Variants in NCAPD3 observed in about 807,000 individuals in gnomAD.
The protein encoded by NCAPD3 is condensin-2 complex subunit D3.
NCAPD3 carries 105 observed loss-of-function variants against 182.9 expected under a neutral mutation model. The ratio of observed to expected loss-of-function variants is 0.57; its 90% confidence interval spans 0.49 to 0.68. The LOEUF (loss-of-function observed/expected upper bound fraction) is 0.68, where lower values mean the gene tolerates loss of function less well. NCAPD3 is among the 30% of genes least tolerant of loss of function. NCAPD3 has a pLI of 0.00. For missense variants in NCAPD3, 1,944 were observed against 1,837.0 expected, an observed-to-expected ratio of 1.06 and a Z score of -1.07; for synonymous variants, 815 against 679.9, an observed-to-expected ratio of 1.20 and a Z score of -3.09.
At chr11:134,214,864 A>C (rs776524156) in intron 3 of NCAPD3, among the ~76,000 whole-genome samples, 9 of 152,218 alleles carry the variant, frequency 5.9e-5, no homozygotes, top group Non-Finnish European at 1.2e-4. Context: ...TATGTAACTT[A>C]TTCTATGAAA....
At position 134,170,077 on chromosome 11, in the gene NCAPD3, G is replaced by A. The variant is rs1392831167; in HGVS notation, c.3102-1023C>T. ...CTTATGCCAAAATTCAAATCAGTTT[G>A]TGTTCACAGCACACATATCAATTAA... On this transcript the variant is annotated intron_variant, in intron 24 of 34. Transcript: ENST00000534548. 2.0e-5 allele frequency among the ~76,000 whole-genome samples: 3 copies of A among 152,270 alleles called. No homozygotes were observed. In the East Asian group the frequency reaches 5.8e-4, roughly 29 times the overall value.
chr11:134,169,278 T>A (rs1156468180), intron 24 of NCAPD3, among the ~76,000 whole-genome samples: 1 of 152,230 alleles, frequency 6.6e-6, no homozygotes, highest in Non-Finnish European at 1.5e-5. Context: ...AGTATATTTT[T>A]TCCACCAGGT....
chr11:134,225,326 C>A (rs1465879001), upstream of NCAPD3: 6 of 1,613,830 alleles, frequency 3.7e-6, no homozygotes, highest in Admixed American at 3.3e-5. Context: ...GCATCAAGAT[C>A]GAGTTCATCG....
Position 134,194,130 on chromosome 11 carries a change from T to C in NCAPD3, c.1710A>G (p.Lys570=). 1 of 1,614,130 alleles carries C rather than the reference T, an allele frequency of 6.2e-7. No individual in the cohort carries two copies. The highest frequency in any genetic ancestry group is 8.5e-7 in the Non-Finnish European group (1 of 1,179,994). Residue 570 remains lysine (K), a synonymous_variant, in exon 15 of 35, where the codon AAA becomes AAG. Coordinates refer to ENST00000534548, the MANE Select transcript of NCAPD3 (RefSeq NM_015261.3). ...SALQVLVSIL[K]HCDVSGMKED... is the part of the protein sequence containing the mutation. ...CCTTCATGCCTGAGACATCACAGTGTTTCAAAATACTCACTAATACCTAGA... is the reference window on the plus strand; with the variant it reads ...CCTTCATGCCTGAGACATCACAGTGCTTCAAAATACTCACTAATACCTAGA...
At position 134,152,368 on chromosome 11, in the gene NCAPD3, C is replaced by T. The variant is rs1943267898; in HGVS notation, c.*576G>A. 1 of 152,198 alleles carries T rather than the reference C, an allele frequency of 6.6e-6. No individual in the cohort carries two copies. Among genetic ancestry groups the T allele is most frequent in the Non-Finnish European group, 1.5e-5 (1 of 68,042 alleles). The allele number at this position is 152,198 out of a possible 1,614,324, so 9.4% of individuals were successfully genotyped here. ...TTCATTCCTCTAACAAACAAACATG[C>T]TTTATGTAAAATTAAAATGATTACC... On this transcript the variant is annotated 3_prime_UTR_variant, in exon 35 of 35. Transcript: ENST00000534548.
At position 134,168,458 on chromosome 11, in the gene NCAPD3, AC is replaced by A. The variant is rs1229086496; in HGVS notation, c.3373+10del. ...AACACACACATTTTCTCCCACACAC[AC>A]TGGGCTTACCCAAAATACTAAGGCA... On this transcript the variant is annotated intron_variant, in intron 26 of 34. Coordinates refer to ENST00000534548, the MANE Select transcript of NCAPD3 (RefSeq NM_015261.3). 6.2e-7 allele frequency: 1 copy of A among 1,614,018 alleles called. No homozygotes were observed. Among genetic ancestry groups the A allele is most frequent in the East Asian group, 2.2e-5 (1 of 44,884 alleles).
intron 27 of NCAPD3, among the ~76,000 whole-genome samples, chr11:134,165,299 G>A (rs1475120000): frequency 6.6e-6 from 1 of 151,298 alleles, no homozygotes; most frequent in Non-Finnish European, 1.5e-5. Flanking sequence ...TGAACTTAGG[G>A]AAGCTGCACA....
chr11:134,194,093 T>A lies in NCAPD3; in HGVS notation c.1747A>T (p.Ile583Phe), dbSNP rs1263263593. 1 of 1,614,104 alleles carries A rather than the reference T, an allele frequency of 6.2e-7. No homozygotes were observed. The highest frequency in any genetic ancestry group is 1.3e-5 in the African/African-American group (1 of 74,946). The change falls in exon 15 of 35, where the codon ATT (isoleucine) becomes TTT (phenylalanine). Residue 583 changes from isoleucine (I) to phenylalanine (F), a missense_variant. By Grantham distance (21) the Ile-to-Phe change is conservative. Coordinates refer to ENST00000534548, the MANE Select transcript of NCAPD3 (RefSeq NM_015261.3). The part of the protein sequence containing the change: ...DVSGMKEDLW[I>F]LQDQCRDPAV... ...GGGTCCCGACACTGGTCCTGCAGAA[T>A]CCACAGGTCTTCCTTCATGCCTGAG... is the stretch of plus-strand genomic sequence containing the variant.
chr11:134,172,037 G>C (rs1006235856), intron 24 of NCAPD3, among the ~76,000 whole-genome samples: 52 of 152,150 alleles, frequency 3.4e-4, no homozygotes, highest in African/African-American at 1.2e-3. Flanking sequence ...ATAGCGTGTG[G>C]ACCAGATAGT....
intron 16 of NCAPD3, chr11:134,185,939 G>T (rs1364330627): frequency 7.1e-6 from 1 of 140,782 alleles, no homozygotes; most frequent in East Asian, 2.0e-4. Flanking sequence ...ATGGAGTCTC[G>T]CTCTGTCGCC....
In NCAPD3 at chr11:134,203,025, C is replaced by T. The variant is rs1944781620; in HGVS notation, c.1525+117G>A. 24 of 1,169,482 alleles carry T rather than the reference C, an allele frequency of 2.1e-5. No individual in the cohort carries two copies. The South Asian group carries it at 3.2e-4, about 16-fold the overall frequency. 72.4% of individuals were successfully genotyped at this position (1,169,482 alleles called of 1,614,324 possible). On this transcript the variant is annotated intron_variant, in intron 12 of 34. Transcript: ENST00000534548. ...TACTGAAATGAATTTCAACCTCTCTCATGAAAAAAGTACAATGTTAAAGCA... is the reference window on the plus strand; with the variant it reads ...TACTGAAATGAATTTCAACCTCTCTTATGAAAAAAGTACAATGTTAAAGCA...
intron 7 of NCAPD3, 56 bp from the exon 8 acceptor site, chr11:134,206,788 G>A (rs1330096345): frequency 1.3e-6 from 2 of 1,552,754 alleles, no homozygotes; most frequent in Non-Finnish European, 1.7e-6. Context: ...AAGGGTCTCA[G>A]ACATAGTGAT....
chr11:134,184,209 AC>A (rs1379411253), intron 19 of NCAPD3, among the ~76,000 whole-genome samples: 3 of 152,254 alleles, frequency 2.0e-5, no homozygotes, highest in African/African-American at 4.8e-5. Flanking sequence ...CCTCATAGTA[AC>A]AGGACAGGCA....
rs34965902 is a variant in NCAPD3 at position 134,207,742 on chromosome 11, C to CAAAAAA, written c.883-1016_883-1011dup. Reference sequence around the variant, plus strand: ...CTGGTGTCAGAGCGAGACTGCGTCTCAAAAAAAAAAAAAAAAAAAAAAAAA... The same window carrying CAAAAAA: ...CTGGTGTCAGAGCGAGACTGCGTCTCAAAAAAAAAAAAAAAAAAAAAAAAAAAAAAA... On this transcript the variant is annotated intron_variant, in intron 7 of 34. Transcript: ENST00000534548. Among the ~76,000 whole-genome samples, 5 of 62,094 alleles carry CAAAAAA rather than the reference C, an allele frequency of 8.1e-5. 1 individual carries two copies. Among genetic ancestry groups the CAAAAAA allele is most frequent in the African/African-American group, 1.7e-4 (3 of 17,496 alleles). 40.7% of individuals were successfully genotyped at this position (62,094 alleles called of 152,430 possible).
At position 134,169,140 on chromosome 11, in the gene NCAPD3, G is replaced by A. The variant is rs1943945373; in HGVS notation, c.3102-86C>T. On this transcript the variant is annotated intron_variant, in intron 24 of 34. Transcript: ENST00000534548. ...TACACCAAGAACTCTGCTGAGCAGA[G>A]GAGAGCTGTACATAAGCGTAGGGAT... 2.9e-6 allele frequency: 4 copies of A among 1,391,142 alleles called. No homozygotes were observed. The Admixed American group carries it at 6.7e-5, about 23-fold the overall frequency. The allele number at this position is 1,391,142 out of a possible 1,614,324, so 86.2% of individuals were successfully genotyped here.
intron 1 of NCAPD3, chr11:134,223,076 C>A (rs1938296914): frequency 7.4e-6 from 2 of 269,666 alleles, no homozygotes; most frequent in African/African-American, 2.2e-5. Flanking sequence ...GAAAATCAAA[C>A]TGGAGAGAAT....
chr11:134,182,461 G>A lies in NCAPD3; in HGVS notation c.2452-1277C>T, dbSNP rs532533520. Among the ~76,000 whole-genome samples the A allele has an allele frequency of 5.9e-5, 9 of 152,264 alleles. 1 individual carries two copies. The highest frequency in any genetic ancestry group is 3.9e-4 in the East Asian group (2 of 5,184). On this transcript the variant is annotated intron_variant, in intron 19 of 34. Coordinates refer to ENST00000534548, the MANE Select transcript of NCAPD3 (RefSeq NM_015261.3). Reference sequence around the variant, plus strand: ...TTTGAATTTAGCTAGGCAGCCTACCGTCCCCAACCCTTCCCTTCTCCATGC... The same window carrying A: ...TTTGAATTTAGCTAGGCAGCCTACCATCCCCAACCCTTCCCTTCTCCATGC...
In NCAPD3 at chr11:134,160,001, T is replaced by C; in HGVS notation, c.3758A>G (p.Glu1253Gly). The C allele has an allele frequency of 6.2e-7, 1 of 1,614,178 alleles. No individual in the cohort carries two copies. The highest frequency in any genetic ancestry group is 8.5e-7 in the Non-Finnish European group (1 of 1,180,022). Residue 1253 changes from glutamate (E) to glycine (G), a missense_variant, in exon 29 of 35, where the codon GAG becomes GGG. Physicochemically the swap from Glu to Gly is moderately conservative, Grantham distance 98. Coordinates refer to ENST00000534548, the MANE Select transcript of NCAPD3 (RefSeq NM_015261.3). ...TTCCTGGTACTTCTTCATGTCATAC[T>C]CAAGCTCTGATGCCAGCTGTTTGTC... ...AVDKQLASEL[E>G]YDMKKYQEQL... is the part of the protein sequence containing the mutation.
chr11:134,176,278 G>C, intron 24 of NCAPD3, 29 bp downstream of exon 24: 1 of 1,582,418 alleles, frequency 6.3e-7, no homozygotes, highest in Non-Finnish European at 8.7e-7. Context: ...GTAAACTGTT[G>C]AGTCGTCTGA....
Sources: allele counts gnomAD v4.1 joint callset (sites outside exome capture counted in the v4.1 genomes callset), GRCh38; gene constraint gnomAD v4.1.1; transcripts MANE v1.5; gene names NCBI Gene and HGNC (gene_info 2026-07-23, HGNC 2026-07-21).